ZNF569: variants seen among roughly 807,000 people sequenced by gnomAD.
ZNF569 encodes zinc finger protein 569, also known as DNA-binding protein.
In ZNF569, 38 loss-of-function variants were observed where a neutral mutation model predicts 56.3. The observed-to-expected ratio is 0.68, with a 90% CI of 0.52 to 0.88. The LOEUF (loss-of-function observed/expected upper bound fraction) is 0.88. Among genes scored for constraint, ZNF569 ranks in the 40% least tolerant of loss-of-function variants. ZNF569 has a pLI of 0.00. For synonymous variants in ZNF569, 241 were observed against 262.9 expected (o/e 0.92, Z 0.81); for missense variants, 666 against 809.2 (o/e 0.82, Z 2.15).
upstream of ZNF569, chr19:37,467,682 C>G: frequency 1.6e-6 from 1 of 616,534 alleles, no homozygotes; most frequent in Non-Finnish European, 2.9e-6. Context: ...GCCTTAAGGT[C>G]CTGACAGCGG....
At position 37,413,349 on chromosome 19, in the gene ZNF569, G is replaced by T. The variant is rs773817043; in HGVS notation, c.1309C>A (p.Pro437Thr). Residue 437 changes from proline (P) to threonine (T), a missense_variant, in exon 6 of 6, where the codon CCT becomes ACT. By Grantham distance (38) the Pro-to-Thr change is conservative (BLOSUM62 -1). Coordinates refer to ENST00000316950, the MANE Select transcript of ZNF569 (RefSeq NM_152484.3). Reference sequence around the variant, plus strand: ...TTCCCACATTCATTACACTCATAAGGTTTCTCTCTAGTATGAATTTTCTGG... The same window carrying T: ...TTCCCACATTCATTACACTCATAAGTTTTCTCTCTAGTATGAATTTTCTGG... ...THQKIHTREK[P>T]YECNECGKAF... is the part of the protein sequence containing the mutation. 2 of 1,607,902 alleles carry T rather than the reference G, an allele frequency of 1.2e-6. No individual in the cohort carries two copies. Among genetic ancestry groups the T allele is most frequent in the African/African-American group, 1.3e-5 (1 of 74,350 alleles).
At position 37,431,302 on chromosome 19, in the gene ZNF569, G is replaced by C. The variant is rs1363039014; in HGVS notation, c.16-4924C>G. 2.6e-5 allele frequency among the ~76,000 whole-genome samples: 4 copies of C among 152,108 alleles called. No homozygotes were observed. In the East Asian group the frequency reaches 7.8e-4, roughly 30 times the overall value. ...CAGGAGAGACCCCTTCCTTCCACTT[G>C]AGAAGAGGAGAAGGAAGAGTAAAGA... is the stretch of plus-strand genomic sequence containing the variant. On this transcript the variant is annotated intron_variant, in intron 3 of 5. Coordinates refer to ENST00000316950, the MANE Select transcript of ZNF569 (RefSeq NM_152484.3).
intron 5 of ZNF569, 75 bp from the exon 6 acceptor site, chr19:37,414,494 T>C: frequency 2.0e-6 from 3 of 1,495,232 alleles, no homozygotes; most frequent in Non-Finnish European, 2.7e-6. Flanking sequence ...TTTTGAAAAA[T>C]ATGCAATTAT....
chr19:37,438,606 A>G (rs1342387025), intron 3 of ZNF569, among the ~76,000 whole-genome samples: 2 of 152,222 alleles, frequency 1.3e-5, no homozygotes, highest in Non-Finnish European at 2.9e-5. Context: ...TCAAATCAAA[A>G]TGGATTAAAG....
chr19:37,425,234 C>T (rs1029007471), intron 5 of ZNF569, among the ~76,000 whole-genome samples: 11 of 151,972 alleles, frequency 7.2e-5, no homozygotes, highest in African/African-American at 2.7e-4. Flanking sequence ...TTACTGTAGC[C>T]TCAACCTCCT....
chr19:37,446,988 G>A (rs1285855222), intron 2 of ZNF569, among the ~76,000 whole-genome samples: 2 of 152,046 alleles, frequency 1.3e-5, no homozygotes, highest in Non-Finnish European at 2.9e-5. Flanking sequence ...AATGGCCAAC[G>A]AACGTATGAA....
At chr19:37,423,718 A>G (rs2041076231) in intron 5 of ZNF569, among the ~76,000 whole-genome samples, 1 of 152,320 alleles carries the variant, frequency 6.6e-6, no homozygotes, top group Non-Finnish European at 1.5e-5. Flanking sequence ...CTTGACAGAA[A>G]CAAGGGCAAA....
intron 5 of ZNF569, among the ~76,000 whole-genome samples, chr19:37,422,459 A>G (rs559661444): frequency 2.0e-5 from 3 of 152,292 alleles, no homozygotes; most frequent in African/African-American, 7.2e-5. Context: ...CCCATAACAG[A>G]TAATAATATA....
intron 3 of ZNF569, among the ~76,000 whole-genome samples, chr19:37,442,736 A>G (rs73027393): frequency 0.023 from 3,431 of 152,302 alleles, 46 homozygotes; most frequent in Middle Eastern, 0.041. Flanking sequence ...ATATTCAGCA[A>G]TGAGATTAAC....
At chr19:37,449,456 A>G (rs968632030) in intron 2 of ZNF569, among the ~76,000 whole-genome samples, 2 of 152,160 alleles carry the variant, frequency 1.3e-5, no homozygotes, top group African/African-American at 4.8e-5. Context: ...TAAGTCCCCA[A>G]CTATAATTGT....
chr19:37,462,768 T>C (rs924465428), intron 2 of ZNF569, among the ~76,000 whole-genome samples: 1 of 152,204 alleles, frequency 6.6e-6, no homozygotes. Context: ...GCCTCTACCT[T>C]TCTCTATCTA....
intron 3 of ZNF569, among the ~76,000 whole-genome samples, chr19:37,430,711 A>C (rs1280388402): frequency 6.6e-6 from 1 of 152,214 alleles, no homozygotes; most frequent in Non-Finnish European, 1.5e-5. Context: ...ATCATAACCA[A>C]AAATCAGGTC....
At chr19:37,432,596 A>G (rs2041243614) in intron 3 of ZNF569, among the ~76,000 whole-genome samples, 1 of 152,192 alleles carries the variant, frequency 6.6e-6, no homozygotes, top group Non-Finnish European at 1.5e-5. Flanking sequence ...TGCAATAAAT[A>G]CCTAACTCTT....
At chr19:37,421,762 T>G (rs921626854) in intron 5 of ZNF569, among the ~76,000 whole-genome samples, 17 of 147,932 alleles carry the variant, frequency 1.1e-4, no homozygotes, top group African/African-American at 4.2e-4. Context: ...TTTTTTTTTT[T>G]TTTTTGAGAC....
chr19:37,452,206 C>A (rs1361591015), intron 2 of ZNF569, among the ~76,000 whole-genome samples: 1 of 152,114 alleles, frequency 6.6e-6, no homozygotes, highest in Admixed American at 6.5e-5. Context: ...ATTTTAAATT[C>A]TCCTGCCCAC....
intron 2 of ZNF569, among the ~76,000 whole-genome samples, chr19:37,459,234 C>T (rs1366530193): frequency 6.6e-6 from 1 of 151,132 alleles, no homozygotes; most frequent in African/African-American, 2.4e-5. Context: ...AAGATAAATA[C>T]CAAAAAAAAC....
chr19:37,440,654 G>A (rs906666462), intron 3 of ZNF569, among the ~76,000 whole-genome samples: 4 of 151,962 alleles, frequency 2.6e-5, no homozygotes, highest in Admixed American at 6.6e-5. Flanking sequence ...TAAGAAACAC[G>A]GAAGGAAGTT....
chr19:37,414,507 G>A (rs2040896528), intron 5 of ZNF569, 88 bp from the exon 6 acceptor site: 3 of 1,477,506 alleles, frequency 2.0e-6, no homozygotes, highest in Non-Finnish European at 2.7e-6. Context: ...GCAATTATGG[G>A]ACTGATTATT....
intron 3 of ZNF569, among the ~76,000 whole-genome samples, chr19:37,426,867 T>A (rs2041141652): frequency 6.6e-6 from 1 of 152,186 alleles, no homozygotes; most frequent in African/African-American, 2.4e-5. Context: ...TCTGCAGCCA[T>A]GAAAATGGGA....
Sources: gnomAD v4.1 joint callset for allele counts (sites outside exome capture counted in the v4.1 genomes callset) on GRCh38, gnomAD v4.1.1 for gene constraint, MANE v1.5 for transcripts, NCBI Gene and HGNC (gene_info 2026-07-23, HGNC 2026-07-21) for gene names.